The following GSDMC variants were observed in gnomAD, a reference collection of about 807,000 sequenced individuals.
GSDMC encodes gasdermin-C.
Under a neutral mutation model 58.0 loss-of-function variants are expected in GSDMC, and 59 were observed. The ratio of observed to expected loss-of-function variants is 1.02; its 90% CI spans 0.82 to 1.26. GSDMC has a LOEUF of 1.26. GSDMC is among the 50% of genes most tolerant of loss of function. GSDMC has a pLI of 0.00. For missense variants in GSDMC, 659 were observed against 598.5 expected (o/e 1.10, Z -1.06); for synonymous variants, 241 against 220.2 (o/e 1.09, Z -0.83).
the GSDMC span, among the ~76,000 whole-genome samples, chr8:129,738,606 G>A: frequency 2.0e-5 from 3 of 152,124 alleles, no homozygotes; most frequent in Non-Finnish European, 4.4e-5. Flanking sequence ...ATTGAACAAT[G>A]AGAACACTTG....
chr8:129,707,736 G>A, the GSDMC span, among the ~76,000 whole-genome samples: 1 of 152,178 alleles, frequency 6.6e-6, no homozygotes, highest in Non-Finnish European at 1.5e-5. Flanking sequence ...GATGAGTAAG[G>A]AAAGACTTCA....
intron 6 of GSDMC, among the ~76,000 whole-genome samples, chr8:129,753,897 G>A (rs73712934): frequency 0.03 from 4,534 of 152,266 alleles, 207 homozygotes; most frequent in African/African-American, 0.1. Flanking sequence ...GGTGGCCACA[G>A]AGAGAGCTCC....
chr8:129,767,289 C>A (rs1180144956), intron 3 of GSDMC, among the ~76,000 whole-genome samples: 1 of 151,922 alleles, frequency 6.6e-6, no homozygotes, highest in Non-Finnish European at 1.5e-5. Flanking sequence ...AAGACTTTGC[C>A]CAAATAGGGA....
At position 129,766,221 on chromosome 8, in the gene GSDMC, G is replaced by A. The variant is rs145962977; in HGVS notation, c.405-428C>T. On this transcript the variant is annotated intron_variant, in intron 3 of 13. Coordinates refer to ENST00000276708, the MANE Select transcript of GSDMC (RefSeq NM_031415.3). ...ATTAGCACAATCAGGGTGGGCTGGGGAGCAGACAGATAAAGTGGAATGAAG... is the reference window on the plus strand; with the variant it reads ...ATTAGCACAATCAGGGTGGGCTGGGAAGCAGACAGATAAAGTGGAATGAAG... 2.1e-3 allele frequency among the ~76,000 whole-genome samples: 315 copies of A among 152,290 alleles called. 1 individual carries two copies. Among genetic ancestry groups the A allele is most frequent in the African/African-American group, 7.1e-3 (297 of 41,552 alleles).
At chr8:129,730,325 G>A in the GSDMC span, 3 of 1,351,806 alleles carry the variant, frequency 2.2e-6, no homozygotes, top group Non-Finnish European at 2.0e-6. Flanking sequence ...GAATAAGCAA[G>A]TCACTGCATG....
intron 3 of GSDMC, among the ~76,000 whole-genome samples, chr8:129,770,147 T>C (rs552573243): frequency 1.3e-5 from 2 of 152,278 alleles, no homozygotes; most frequent in South Asian, 2.1e-4. Flanking sequence ...AAAATATCAA[T>C]GAGGGGAAGA....
intron 3 of GSDMC, among the ~76,000 whole-genome samples, chr8:129,774,984 A>C (rs1224746603): frequency 6.6e-6 from 1 of 152,208 alleles, no homozygotes; most frequent in Non-Finnish European, 1.5e-5. Flanking sequence ...TAATTGATAT[A>C]GCCATATGGA....
the GSDMC span, among the ~76,000 whole-genome samples, chr8:129,732,713 C>G: frequency 6.6e-6 from 1 of 152,242 alleles, no homozygotes; most frequent in African/African-American, 2.4e-5. Context: ...CGAATAGGAA[C>G]AGCACCGGTC....
intron 5 of GSDMC, among the ~76,000 whole-genome samples, chr8:129,761,822 C>A (rs540890910): frequency 6.6e-6 from 1 of 152,314 alleles, no homozygotes; most frequent in African/African-American, 2.4e-5. Flanking sequence ...GGAGACAGTT[C>A]AGCCTCATTC....
chr8:129,716,788 T>A, the GSDMC span, among the ~76,000 whole-genome samples: 1 of 152,154 alleles, frequency 6.6e-6, no homozygotes. Flanking sequence ...TGAGATACAT[T>A]CCATCAACAC....
chr8:129,767,824 C>T (rs1010266899), intron 3 of GSDMC, among the ~76,000 whole-genome samples: 2 of 152,148 alleles, frequency 1.3e-5, no homozygotes, highest in Non-Finnish European at 2.9e-5. Flanking sequence ...TCAGGGAGCA[C>T]TTCATGGGCC....
intron 6 of GSDMC, among the ~76,000 whole-genome samples, chr8:129,758,595 T>C (rs1404959421): frequency 6.6e-6 from 1 of 152,014 alleles, no homozygotes; most frequent in Non-Finnish European, 1.5e-5. Flanking sequence ...AAAATAGAAA[T>C]TTAAAAATTA....
At chr8:129,725,813 G>A in the GSDMC span, among the ~76,000 whole-genome samples, 1 of 152,152 alleles carries the variant, frequency 6.6e-6, no homozygotes, top group East Asian at 1.9e-4. Flanking sequence ...TTTACCGGAG[G>A]TTGCAAAGTT....
chr8:129,762,986 T>C (rs1276037726), intron 4 of GSDMC, among the ~76,000 whole-genome samples: 1 of 152,228 alleles, frequency 6.6e-6, no homozygotes, highest in Non-Finnish European at 1.5e-5. Flanking sequence ...TTTTTGATTA[T>C]GTTGAATTCG....
Position 129,749,482 on chromosome 8 carries a change from C to T in GSDMC, c.1257G>A (p.Glu419=). ...CCTGTTGCTGAAGCAGGATCCTCTT[C>T]TCCATGGAACAGGCCAGCAAATCGT... The part of the protein sequence containing the change: ...FQHDLLACSM[E]KRILLQQQEL... The change falls in exon 13 of 14, where the codon GAG becomes GAA. Residue 419 remains glutamate, a synonymous_variant. Coordinates refer to ENST00000276708, the MANE Select transcript of GSDMC (RefSeq NM_031415.3). The T allele has an allele frequency of 6.2e-7, 1 of 1,613,912 alleles. No individual in the cohort carries two copies. Among genetic ancestry groups the T allele is most frequent in the Non-Finnish European group, 8.5e-7 (1 of 1,179,810 alleles).
the GSDMC span, among the ~76,000 whole-genome samples, chr8:129,734,474 T>C: frequency 6.6e-6 from 1 of 152,078 alleles, no homozygotes; most frequent in African/African-American, 2.4e-5. Context: ...TAACAGCAGA[T>C]CTCTCAGCAG....
chr8:129,768,143 C>T (rs1467345024), intron 3 of GSDMC, among the ~76,000 whole-genome samples: 1 of 152,112 alleles, frequency 6.6e-6, no homozygotes, highest in East Asian at 1.9e-4. Context: ...GGGCAGTGGC[C>T]GCATCAACTA....
At position 129,752,830 on chromosome 8, in the gene GSDMC, G is replaced by T; in HGVS notation, c.722-10C>A. 8 of 1,614,120 alleles carry T rather than the reference G, an allele frequency of 5.0e-6. No individual in the cohort carries two copies. The highest frequency in any genetic ancestry group is 5.9e-6 in the Non-Finnish European group (7 of 1,179,974). On this transcript the variant is annotated splice_polypyrimidine_tract_variant and intron_variant, in intron 6 of 13. Coordinates refer to ENST00000276708, the MANE Select transcript of GSDMC (RefSeq NM_031415.3). Reference sequence around the variant, plus strand: ...TCGGAAATTTCGTACTCTTGGGAGAGAGGGAGAGCAGAATGACTGGGTAAC... The same window carrying T: ...TCGGAAATTTCGTACTCTTGGGAGATAGGGAGAGCAGAATGACTGGGTAAC...
At chr8:129,728,361 G>A in the GSDMC span, among the ~76,000 whole-genome samples, 3 of 152,048 alleles carry the variant, frequency 2.0e-5, no homozygotes, top group Non-Finnish European at 2.9e-5. Flanking sequence ...GCGGATCTCC[G>A]GGCATCTGGA....
Sources: allele counts gnomAD v4.1 joint callset (sites outside exome capture counted in the v4.1 genomes callset), GRCh38; gene constraint gnomAD v4.1.1; transcripts MANE v1.5; gene names NCBI Gene and HGNC (gene_info 2026-07-23, HGNC 2026-07-21).